Variants in ADGRA2 observed in about 807,000 individuals in gnomAD.
ADGRA2 encodes the protein G-protein coupled receptor 124.
A neutral mutation model predicts 98.7 loss-of-function variants in ADGRA2; 61 were observed. That is an observed-to-expected ratio of 0.62 (90% CI 0.50 to 0.76). The LOEUF (loss-of-function observed/expected upper bound fraction) is 0.76, where lower values mean the gene tolerates loss of function less well. Among genes scored for constraint, ADGRA2 ranks in the 30% least tolerant of loss-of-function variants. The pLI, the probability that ADGRA2 is intolerant of heterozygous loss-of-function variation, is 0.00. For missense variants in ADGRA2, 1,712 were observed against 1,860.0 expected (o/e 0.92, Z 1.46); for synonymous variants, 858 against 831.5 (o/e 1.03, Z -0.55).
intron 1 of ADGRA2, among the ~76,000 whole-genome samples, chr8:37,800,311 A>G (rs983683506): frequency 6.6e-6 from 1 of 152,124 alleles, no homozygotes; most frequent in Admixed American, 6.5e-5. Flanking sequence ...GACTCCGGAG[A>G]AGGTGAGCTG....
Position 37,835,234 on chromosome 8 carries a change from AC to A in ADGRA2, c.1671del (p.Cys558AlafsTer134), listed in dbSNP as rs758913067. ...LIKPHSYVGL[T>X]CTAFQRREGG... Reference sequence around the variant, plus strand: ...CAAGCCGCACAGCTACGTGGGCCTGACCTGCACAGCCTTCCAGAGGAGGGAG... The same window carrying A: ...CAAGCCGCACAGCTACGTGGGCCTGACTGCACAGCCTTCCAGAGGAGGGAG... On this transcript the variant is annotated frameshift_variant, in exon 12 of 19. Transcript: ENST00000412232. LOFTEE classifies it high-confidence loss of function. 1 of 1,613,784 alleles carries A rather than the reference AC, an allele frequency of 6.2e-7. No homozygotes were observed. Among genetic ancestry groups the A allele is most frequent in the African/African-American group, 1.3e-5 (1 of 74,884 alleles).
intron 2 of ADGRA2, among the ~76,000 whole-genome samples, chr8:37,817,057 G>A (rs546919910): frequency 1.8e-4 from 28 of 152,050 alleles, no homozygotes; most frequent in Non-Finnish European, 3.2e-4. Flanking sequence ...GACACAGTAT[G>A]GATGTGACAT....
intron 13 of ADGRA2, 129 bp from the exon 14 acceptor site, chr8:37,837,602 C>T (rs1233421341): frequency 1.3e-6 from 1 of 778,856 alleles, no homozygotes; most frequent in African/African-American, 1.7e-5. Context: ...TGCCCCCAGC[C>T]CAGCACTGTG....
rs534350298 is a variant in ADGRA2, at chr8:37,835,894, G to A, written c.2050+124G>A. On this transcript the variant is annotated intron_variant, in intron 13 of 18. Transcript: ENST00000412232. ...CGTAGTGGAACTGACACAGGATGTTGGGTCTCTCACCTTTTCCCAACAGGG... is the reference window on the plus strand; with the variant it reads ...CGTAGTGGAACTGACACAGGATGTTAGGTCTCTCACCTTTTCCCAACAGGG... 1.0e-4 allele frequency: 67 copies of A among 661,314 alleles called. No individual in the cohort carries two copies. In the South Asian group the frequency reaches 1.1e-3, roughly 11 times the overall value. The allele number at this position is 661,314 out of a possible 1,614,324, so 41.0% of individuals were successfully genotyped here.
At position 37,797,197 on chromosome 8, in the gene ADGRA2, G is replaced by T; in HGVS notation, c.-72G>T. ...CGGGCCCCCGCTGAGCACTCCTCCCGCACGCCTGGGTCCCTCCGGCCGGCG... is the reference window on the plus strand; with the variant it reads ...CGGGCCCCCGCTGAGCACTCCTCCCTCACGCCTGGGTCCCTCCGGCCGGCG... On this transcript the variant is annotated 5_prime_UTR_variant, in exon 1 of 19. Coordinates refer to ENST00000412232, the MANE Select transcript of ADGRA2 (RefSeq NM_032777.10). The surrounding 1 kb of genome is among the most constrained non-coding windows in gnomAD (Gnocchi z 5.3). The T allele has an allele frequency of 8.7e-7, 1 of 1,143,058 alleles. No homozygotes were observed. Among genetic ancestry groups the T allele is most frequent in the Non-Finnish European group, 1.1e-6 (1 of 921,190 alleles). 70.8% of individuals were successfully genotyped at this position (1,143,058 alleles called of 1,614,324 possible).
chr8:37,842,407 C>T lies in ADGRA2; in HGVS notation c.*52C>T, dbSNP rs1585412571. ...GCTGGCCACGCGGCTCGTTCCCCCG[C>T]TCCTCGGGGCCCTCCAAGGTGTCTC... is the stretch of plus-strand genomic sequence containing the variant. On this transcript the variant is annotated 3_prime_UTR_variant, in exon 19 of 19. Coordinates refer to ENST00000412232, the MANE Select transcript of ADGRA2 (RefSeq NM_032777.10). 3 of 1,416,492 alleles carry T rather than the reference C, an allele frequency of 2.1e-6. No individual in the cohort carries two copies. The East Asian group carries it at 8.5e-5, about 40-fold the overall frequency. 87.7% of individuals were successfully genotyped at this position (1,416,492 alleles called of 1,614,324 possible). A position where few individuals can be genotyped will look rare whatever the true frequency, so the allele number is the denominator to read the frequency against.
intron 2 of ADGRA2, among the ~76,000 whole-genome samples, chr8:37,824,553 G>A (rs576775498): frequency 6.8e-6 from 1 of 146,412 alleles, no homozygotes; most frequent in African/African-American, 2.6e-5. Flanking sequence ...GAGTGCAATG[G>A]TGTGATCTCA....
In ADGRA2 at chr8:37,842,021, A is replaced by G. The variant is rs1805817178; in HGVS notation, c.3683A>G (p.Asp1228Gly). Residue 1228 changes from aspartate (D) to glycine (G), a missense_variant, in exon 19 of 19, where the codon GAC (aspartate) becomes GGC (glycine). Coordinates refer to ENST00000412232, the MANE Select transcript of ADGRA2 (RefSeq NM_032777.10). Reference protein sequence around the residue: ...ESGSLHNSPTDSYLGSSRNSP... With the variant: ...ESGSLHNSPTGSYLGSSRNSP... ...GGCAGTCTGCACAACAGCCCCACCG[A>G]CAGCTACCTGGGCAGCAGCCGCAAC... The G allele has an allele frequency of 6.6e-7, 1 of 1,519,652 alleles. No homozygotes were observed. The highest frequency in any genetic ancestry group is 1.4e-5 in the African/African-American group (1 of 70,330). The allele number at this position is 1,519,652 out of a possible 1,614,324, so 94.1% of individuals were successfully genotyped here.
intron 14 of ADGRA2, 89 bp downstream of exon 14, chr8:37,838,028 C>A: frequency 9.1e-7 from 1 of 1,102,274 alleles, no homozygotes; most frequent in Non-Finnish European, 1.3e-6. Context: ...CATTTGGGAC[C>A]ATGGAGAAAT....
At chr8:37,826,984 G>A (rs542541933) in intron 2 of ADGRA2, among the ~76,000 whole-genome samples, 4 of 152,262 alleles carry the variant, frequency 2.6e-5, no homozygotes, top group Admixed American at 6.5e-5. Flanking sequence ...CTGTCTTCCC[G>A]CCACAGCCCC....
rs1310425865 is a variant in ADGRA2, at chr8:37,804,100, G to GAGACACAC, written c.266+6567_266+6568insGACACACA. On this transcript the variant is annotated intron_variant, in intron 1 of 18. Transcript: ENST00000412232. ...GGAGGGGCCAGCCTGCCCACGGTGA[G>GAGACACAC]ACACACACACACACACACACACACA... Among the ~76,000 whole-genome samples, 141 of 107,186 alleles carry GAGACACAC rather than the reference G, an allele frequency of 1.3e-3. 2 individuals are homozygous for GAGACACAC. Among genetic ancestry groups the GAGACACAC allele is most frequent in the African/African-American group, 5.0e-3 (135 of 27,130 alleles). The allele number at this position is 107,186 out of a possible 152,430, so 70.3% of individuals were successfully genotyped here.
intron 13 of ADGRA2, among the ~76,000 whole-genome samples, chr8:37,836,301 G>A (rs542269677): frequency 2.3e-4 from 35 of 152,334 alleles, no homozygotes; most frequent in Non-Finnish European, 3.5e-4. Context: ...CAGGTGAGAA[G>A]CATCCTGAAA....
chr8:37,832,964 T>C, intron 8 of ADGRA2, 46 bp from the exon 9 acceptor site: 2 of 1,466,648 alleles, frequency 1.4e-6, no homozygotes, highest in Non-Finnish European at 1.9e-6. Context: ...AGGGCTGTTG[T>C]TCTGAGAAGC....
At position 37,830,024 on chromosome 8, in the gene ADGRA2, TCC is replaced by T; in HGVS notation, c.718+15_718+16del. ...GCCCAGCTCTGCTGCGGTGAGCAAGTCCCCCCAGCTACACATCTCCCAGGGAC... is the reference window on the plus strand; with the variant it reads ...GCCCAGCTCTGCTGCGGTGAGCAAGTCCCCAGCTACACATCTCCCAGGGAC... On this transcript the variant is annotated intron_variant, in intron 6 of 18. Transcript: ENST00000412232. This position sits in a 1 kb window ranked among gnomAD's most constrained non-coding sequence, Gnocchi z 4.8. 1.3e-6 allele frequency: 2 copies of T among 1,507,498 alleles called. No individual in the cohort carries two copies. Among genetic ancestry groups the T allele is most frequent in the Non-Finnish European group, 1.8e-6 (2 of 1,126,172 alleles). The allele number at this position is 1,507,498 out of a possible 1,614,324, so 93.4% of individuals were successfully genotyped here. A position where few individuals can be genotyped will look rare whatever the true frequency, so the allele number is the denominator to read the frequency against.
chr8:37,835,160 G>A lies in ADGRA2; in HGVS notation c.1609-14G>A. 2 of 1,600,546 alleles carry A rather than the reference G, an allele frequency of 1.2e-6. No individual in the cohort carries two copies. Among genetic ancestry groups the A allele is most frequent in the Non-Finnish European group, 8.6e-7 (1 of 1,168,218 alleles). On this transcript the variant is annotated splice_polypyrimidine_tract_variant and intron_variant, in intron 11 of 18. Transcript: ENST00000412232. Reference sequence around the variant, plus strand: ...CCATCTCAAATGGTGGGATGACAAGGTCCCTGTCCCCAGAATGCGAGGAAC... The same window carrying A: ...CCATCTCAAATGGTGGGATGACAAGATCCCTGTCCCCAGAATGCGAGGAAC...
In ADGRA2 at chr8:37,834,065, C is replaced by T. The variant is rs746210393; in HGVS notation, c.1545C>T (p.Ile515=). The part of the protein sequence containing the change: ...AQREDKACSR[I]VGALERIGGA... ...GCGAGGACAAGGCCTGCAGCCGCAT[C>T]GTGGGTGCCCTGGAGCGCATTGGGG... is the stretch of plus-strand genomic sequence containing the variant. The change falls in exon 11 of 19, where the codon ATC becomes ATT. Residue 515 remains isoleucine, a synonymous_variant. Coordinates refer to ENST00000412232, the MANE Select transcript of ADGRA2 (RefSeq NM_032777.10). The surrounding 1 kb of genome is among the most constrained non-coding windows in gnomAD (Gnocchi z 4.2). The T allele has an allele frequency of 9.3e-6, 15 of 1,612,734 alleles. No homozygotes were observed. The highest frequency in any genetic ancestry group is 8.0e-5 in the African/African-American group (6 of 74,938).
At position 37,834,017 on chromosome 8, in the gene ADGRA2, G is replaced by A. The variant is rs1378757778; in HGVS notation, c.1497G>A (p.Glu499=). Reference sequence around the variant, plus strand: ...CCAGCAACCTGATGCTGGTGGACGAGCACCTGCTGTGGCTGGCCCAGCGCG... The same window carrying A: ...CCAGCAACCTGATGCTGGTGGACGAACACCTGCTGTGGCTGGCCCAGCGCG... ...DMASNLMLVD[E]HLLWLAQRED... is the part of the protein sequence containing the mutation. The change falls in exon 11 of 19, where the codon GAG becomes GAA. Residue 499 remains glutamate (E), a synonymous_variant. Coordinates refer to ENST00000412232, the MANE Select transcript of ADGRA2 (RefSeq NM_032777.10). The surrounding 1 kb of genome is among the most constrained non-coding windows in gnomAD (Gnocchi z 4.2). 6.2e-7 allele frequency: 1 copy of A among 1,613,138 alleles called. No homozygotes were observed. Among genetic ancestry groups the A allele is most frequent in the Admixed American group, 1.7e-5 (1 of 60,016 alleles).
At position 37,844,859 on chromosome 8, in the gene ADGRA2, G is replaced by C; in HGVS notation, c.*2504G>C. The C allele has an allele frequency of 1.2e-6, 2 of 1,614,130 alleles. No homozygotes were observed. The highest frequency in any genetic ancestry group is 1.7e-6 in the Non-Finnish European group (2 of 1,180,030). On this transcript the variant is annotated 3_prime_UTR_variant, in exon 19 of 19. Coordinates refer to ENST00000412232, the MANE Select transcript of ADGRA2 (RefSeq NM_032777.10). ...ACTGGCGGTGCTGGAGAAGGTCACC[G>C]ATGTGCTTCACCACAGACCGTTTGT...
At chr8:37,817,362 CACAG>C (rs1331969526) in intron 2 of ADGRA2, among the ~76,000 whole-genome samples, 1 of 152,150 alleles carries the variant, frequency 6.6e-6, no homozygotes, top group Admixed American at 6.5e-5. Context: ...CTCTGTGGCT[CACAG>C]ACAGAGTGGT....
Sources: allele counts gnomAD v4.1 joint callset (sites outside exome capture counted in the v4.1 genomes callset), GRCh38; gene constraint gnomAD v4.1.1; non-coding constraint Gnocchi (gnomAD v3.1); transcripts MANE v1.5; gene names NCBI Gene and HGNC (gene_info 2026-07-23, HGNC 2026-07-21).